COPS8: variants seen among roughly 807,000 people sequenced by gnomAD.
COPS8 encodes the protein COP9 signalosome subunit 8, also known as COP9 signalosome complex subunit 8.
A neutral mutation model predicts 31.5 loss-of-function variants in COPS8; 11 were observed. That is an observed-to-expected ratio of 0.35 (90% CI 0.22 to 0.58). COPS8 has a LOEUF of 0.58. Ranked by LOEUF, COPS8 falls within the 20% of genes least tolerant of loss-of-function variation. COPS8 has a pLI of 0.83. For missense variants in COPS8, 215 were observed against 255.1 expected, an observed-to-expected ratio of 0.84 and a Z score of 1.07; for synonymous variants, 81 against 89.3, an observed-to-expected ratio of 0.91 and a Z score of 0.52.
rs1377646382 is a variant in COPS8 at position 237,099,271 on chromosome 2, T to C, written c.*1529T>C. 6.6e-6 allele frequency: 1 copy of C among 152,188 alleles called. No individual in the cohort carries two copies. The highest frequency in any genetic ancestry group is 1.5e-5 in the Non-Finnish European group (1 of 68,026). 9.4% of individuals were successfully genotyped at this position (152,188 alleles called of 1,614,324 possible). The stretch of plus-strand genomic sequence containing the variant: ...CAAAAGGAGAATGATTACAATTATA[T>C]ATATGTACATATTTCCTTATATTTC... On this transcript the variant is annotated 3_prime_UTR_variant, in exon 8 of 8. Transcript: ENST00000354371.
Position 237,098,200 on chromosome 2 carries a change from A to ATGC in COPS8, c.*460_*462dup, listed in dbSNP as rs1696838218. ...TTATGATTCACCCTCTTTGGAGAAC[A>ATGC]TGCTCTCTTTTCACCCCCCACCTCC... On this transcript the variant is annotated 3_prime_UTR_variant, in exon 8 of 8. Transcript: ENST00000354371. The ATGC allele has an allele frequency of 6.4e-6, 1 of 155,594 alleles. No individual in the cohort carries two copies. Among genetic ancestry groups the ATGC allele is most frequent in the South Asian group, 1.9e-4 (1 of 5,184 alleles). The allele number at this position is 155,594 out of a possible 1,614,324, so 9.6% of individuals were successfully genotyped here. A position where few individuals can be genotyped will look rare whatever the true frequency, so the allele number is the denominator to read the frequency against.
intron 4 of COPS8, among the ~76,000 whole-genome samples, chr2:237,091,852 G>C (rs918652210): frequency 2.6e-5 from 4 of 152,202 alleles, no homozygotes; most frequent in African/African-American, 9.7e-5. Context: ...GCAAGGCAGG[G>C]AAAGGGCATA....
rs181172020 is a variant in COPS8 at position 237,087,577 on chromosome 2, T to A, written c.149+380T>A. 1.4e-3 allele frequency: 346 copies of A among 249,360 alleles called. 1 individual carries two copies. Among genetic ancestry groups the A allele is most frequent in the African/African-American group, 7.4e-3 (314 of 42,600 alleles). 15.4% of individuals were successfully genotyped at this position (249,360 alleles called of 1,614,324 possible). ...CGTTACAAACATGTATGAGATTTTT[T>A]AAGTTTTTTTTGTTTTTAATTATTC... On this transcript the variant is annotated intron_variant, in intron 2 of 7. Transcript: ENST00000354371.
At position 237,094,178 on chromosome 2, in the gene COPS8, T is replaced by C. The variant is rs1202816174; in HGVS notation, c.420T>C (p.Pro140=). The C allele has an allele frequency of 6.2e-7, 1 of 1,613,816 alleles. No individual in the cohort carries two copies. Among genetic ancestry groups the C allele is most frequent in the Non-Finnish European group, 8.5e-7 (1 of 1,179,890 alleles). ...ATTTTGCAGCCTTTGTTGGACTTCC[T>C]GTAGAAGAGGCTGTGAAAGGTAATT... ...ADDFAAFVGL[P]VEEAVKGILE... is the part of the protein sequence containing the mutation. Residue 140 remains proline, a synonymous_variant, in exon 5 of 8, where the codon CCT becomes CCC. Transcript: ENST00000354371.
Position 237,086,567 on chromosome 2 carries a change from T to C in COPS8, c.78+525T>C, listed in dbSNP as rs148171496. Among the ~76,000 whole-genome samples, 375 of 152,320 alleles carry C rather than the reference T, an allele frequency of 2.5e-3. 1 individual carries two copies. The highest frequency in any genetic ancestry group is 8.7e-3 in the African/African-American group (361 of 41,558). ...CAGCTGTTAAAGTTAATGTTTTTCTTAGACACTTAAAAAGGGTTTATATCA... is the reference window on the plus strand; with the variant it reads ...CAGCTGTTAAAGTTAATGTTTTTCTCAGACACTTAAAAAGGGTTTATATCA... On this transcript the variant is annotated intron_variant, in intron 1 of 7. Transcript: ENST00000354371.
At chr2:237,086,993 T>C (rs540554174) in intron 1 of COPS8, 134 bp from the exon 2 acceptor site, 34 of 605,478 alleles carry the variant, frequency 5.6e-5, no homozygotes, top group East Asian at 1.2e-4. Context: ...AGATTACTTA[T>C]AGTCTTAGAC....
rs115162102 is a variant in COPS8 at position 237,095,909 on chromosome 2, C to T, written c.502+25C>T. On this transcript the variant is annotated intron_variant, in intron 6 of 7. Coordinates refer to ENST00000354371, the MANE Select transcript of COPS8 (RefSeq NM_006710.5). ...GGTAGGTGGAGCTTTCACCCATTTA[C>T]GCAGCACTGGACTCTTCTAAGACTG... The T allele has an allele frequency of 2.7e-3, 4,151 of 1,542,688 alleles. 105 individuals are homozygous for T. The African/African-American group carries it at 0.051, about 19-fold the overall frequency.
chr2:237,095,998 G>A (rs576796392), intron 6 of COPS8, 114 bp downstream of exon 6: 21 of 695,152 alleles, frequency 3.0e-5, no homozygotes, highest in African/African-American at 1.8e-4. Context: ...CTAACACAAT[G>A]GAAATAACTC....
chr2:237,090,895 G>A (rs1696695473), intron 4 of COPS8, among the ~76,000 whole-genome samples: 1 of 152,192 alleles, frequency 6.6e-6, no homozygotes. Flanking sequence ...TGGGAAGGGA[G>A]GAGTGTGGAA....
Position 237,099,510 on chromosome 2 carries a change from G to T in COPS8, c.*1768G>T, listed in dbSNP as rs1696859418. On this transcript the variant is annotated 3_prime_UTR_variant, in exon 8 of 8. Coordinates refer to ENST00000354371, the MANE Select transcript of COPS8 (RefSeq NM_006710.5). ...TTCATGATTAATTTCACAAAATCTT[G>T]ATATCTTTTTTATTATTAAAAGTAT... The T allele has an allele frequency of 1.3e-5, 2 of 150,654 alleles. No individual in the cohort carries two copies. Among genetic ancestry groups the T allele is most frequent in the African/African-American group, 5.0e-5 (2 of 40,192 alleles). 9.3% of individuals were successfully genotyped at this position (150,654 alleles called of 1,614,324 possible). A position where few individuals can be genotyped will look rare whatever the true frequency, so the allele number is the denominator to read the frequency against.
At chr2:237,090,570 G>A (rs1394141663) in intron 4 of COPS8, among the ~76,000 whole-genome samples, 2 of 152,038 alleles carry the variant, frequency 1.3e-5, no homozygotes, top group Admixed American at 1.3e-4. Context: ...ATATAATCTT[G>A]TTTTATGTTG....
intron 5 of COPS8, among the ~76,000 whole-genome samples, chr2:237,094,734 C>T (rs865807798): frequency 6.6e-6 from 1 of 151,994 alleles, no homozygotes; most frequent in South Asian, 2.1e-4. Flanking sequence ...GAGGCCGAGG[C>T]GGGTGGATCA....
intron 5 of COPS8, among the ~76,000 whole-genome samples, chr2:237,095,012 A>G (rs1395097842): frequency 3.9e-5 from 6 of 152,290 alleles, no homozygotes; most frequent in Middle Eastern, 3.4e-3. Context: ...TTGTTTTGCC[A>G]TGATTGACAT....
Position 237,098,413 on chromosome 2 carries a change from G to A in COPS8, c.*671G>A, listed in dbSNP as rs894374924. The stretch of plus-strand genomic sequence containing the variant: ...ATGAGACATATTAACTTGTGCTGTC[G>A]CCTTTTAGAAGGAGAAACTTAAGTG... On this transcript the variant is annotated 3_prime_UTR_variant, in exon 8 of 8. Transcript: ENST00000354371. 3 of 152,212 alleles carry A rather than the reference G, an allele frequency of 2.0e-5. No individual in the cohort carries two copies. The highest frequency in any genetic ancestry group is 4.4e-5 in the Non-Finnish European group (3 of 68,046). 9.4% of individuals were successfully genotyped at this position (152,212 alleles called of 1,614,324 possible).
At chr2:237,095,757 C>A in intron 5 of COPS8, 65 bp from the exon 6 acceptor site, 1 of 1,063,202 alleles carries the variant, frequency 9.4e-7, no homozygotes, top group Non-Finnish European at 1.5e-6. Flanking sequence ...ATGTCATGGA[C>A]AAGTTGTGGA....
intron 5 of COPS8, among the ~76,000 whole-genome samples, chr2:237,095,112 G>C (rs1696775852): frequency 6.6e-6 from 1 of 152,080 alleles, no homozygotes; most frequent in South Asian, 2.1e-4. Flanking sequence ...ATGAAGATAG[G>C]TTAATGAAAG....
chr2:237,091,636 C>T (rs534859191), intron 4 of COPS8, among the ~76,000 whole-genome samples: 1 of 152,348 alleles, frequency 6.6e-6, no homozygotes, highest in South Asian at 2.1e-4. Flanking sequence ...TTTCCATTCT[C>T]TTCTAAATTA....
Sources: gnomAD v4.1 joint callset for allele counts (sites outside exome capture counted in the v4.1 genomes callset) on GRCh38, gnomAD v4.1.1 for gene constraint, MANE v1.5 for transcripts, NCBI Gene and HGNC (gene_info 2026-07-23, HGNC 2026-07-21) for gene names.